Variants in UBE2G1 observed in about 807,000 individuals in gnomAD.
The protein encoded by UBE2G1 is ubiquitin conjugating enzyme E2 G1.
A neutral mutation model predicts 22.7 loss-of-function variants in UBE2G1; 5 were observed. The ratio of observed to expected loss-of-function variants is 0.22; its 90% CI spans 0.12 to 0.46. The LOEUF is 0.46. Ranked by LOEUF, UBE2G1 falls within the 20% of genes least tolerant of loss-of-function variation. The probability of loss-of-function intolerance (pLI) is 0.99; values close to 1 mark genes in which losing one functional copy is unlikely to be tolerated. For synonymous variants in UBE2G1, 74 were observed against 67.5 expected (o/e 1.10, Z -0.47); for missense variants, 88 against 203.9 (o/e 0.43, Z 3.46).
intron 3 of UBE2G1, among the ~76,000 whole-genome samples, chr17:4,294,441 G>A (rs3859211): frequency 0.025 from 1,558 of 62,486 alleles, 69 homozygotes; most frequent in African/African-American, 0.1. Context: ...AAAAAAAAAA[G>A]AAAGAAACGA....
intron 1 of UBE2G1, among the ~76,000 whole-genome samples, chr17:4,346,849 C>G (rs539968630): frequency 6.6e-6 from 1 of 152,026 alleles, no homozygotes; most frequent in East Asian, 1.9e-4. Context: ...GTGTTATGTG[C>G]TAGTGATATA....
intron 1 of UBE2G1, among the ~76,000 whole-genome samples, chr17:4,336,978 C>A (rs1433585575): frequency 6.6e-6 from 1 of 152,088 alleles, no homozygotes; most frequent in East Asian, 1.9e-4. Flanking sequence ...TAGAAATAGT[C>A]TATACAATCT....
At chr17:4,340,255 T>G (rs1458884162) in intron 1 of UBE2G1, among the ~76,000 whole-genome samples, 1 of 152,188 alleles carries the variant, frequency 6.6e-6, no homozygotes, top group African/African-American at 2.4e-5. Flanking sequence ...CTTTCATCCT[T>G]GCATCCTCCG....
chr17:4,332,270 C>T (rs1969587890), intron 1 of UBE2G1, among the ~76,000 whole-genome samples: 1 of 151,562 alleles, frequency 6.6e-6, no homozygotes, highest in African/African-American at 2.4e-5. Flanking sequence ...GTTTTTCAAC[C>T]GTAAGTCACA....
intron 5 of UBE2G1, among the ~76,000 whole-genome samples, chr17:4,276,244 G>A (rs1371447690): frequency 6.6e-6 from 1 of 152,128 alleles, no homozygotes; most frequent in Non-Finnish European, 1.5e-5. Flanking sequence ...AGGCTGGAGT[G>A]CAGTGGTGCA....
chr17:4,279,220 A>T (rs1968853993), intron 5 of UBE2G1, among the ~76,000 whole-genome samples: 1 of 151,466 alleles, frequency 6.6e-6, no homozygotes, highest in South Asian at 2.1e-4. Context: ...GGTTGCAGTG[A>T]GCTGAGATCA....
intron 2 of UBE2G1, chr17:4,301,477 C>T (rs2143720635): frequency 1.2e-6 from 1 of 808,394 alleles, no homozygotes; most frequent in Middle Eastern, 2.7e-4. Flanking sequence ...TATAATAATC[C>T]TGCTGCCCTT....
intron 1 of UBE2G1, among the ~76,000 whole-genome samples, chr17:4,325,532 A>G (rs193150320): frequency 2.3e-3 from 348 of 152,346 alleles, no homozygotes; most frequent in African/African-American, 8.0e-3. Flanking sequence ...CTTCTAAACA[A>G]CTGAATCTTT....
chr17:4,366,051 G>A (rs1193033941), intron 1 of UBE2G1, among the ~76,000 whole-genome samples: 3 of 152,078 alleles, frequency 2.0e-5, no homozygotes, highest in African/African-American at 7.2e-5. Context: ...GCCAGGCCCA[G>A]TCCCTGGGCC....
chr17:4,330,596 G>C (rs1236662230), intron 1 of UBE2G1, among the ~76,000 whole-genome samples: 1 of 150,088 alleles, frequency 6.7e-6, no homozygotes, highest in Non-Finnish European at 1.5e-5. Context: ...AATTAGCCAG[G>C]CATGGTGGCA....
intron 1 of UBE2G1, among the ~76,000 whole-genome samples, chr17:4,317,107 T>C (rs1274399059): frequency 6.6e-6 from 1 of 152,050 alleles, no homozygotes; most frequent in African/African-American, 2.4e-5. Context: ...CCCAGTACTT[T>C]GGAAGGCTGA....
At chr17:4,353,732 G>A (rs1428822199) in intron 1 of UBE2G1, among the ~76,000 whole-genome samples, 3 of 151,426 alleles carry the variant, frequency 2.0e-5, no homozygotes, top group South Asian at 2.1e-4. Context: ...GGATGGTCTC[G>A]ATCTCCTGAC....
intron 1 of UBE2G1, among the ~76,000 whole-genome samples, chr17:4,324,936 G>T (rs1357009427): frequency 6.6e-6 from 1 of 151,912 alleles, no homozygotes; most frequent in East Asian, 1.9e-4. Context: ...AATTAGCCGG[G>T]CGTGGTGGCA....
chr17:4,282,217 G>A (rs1403079232), intron 5 of UBE2G1, among the ~76,000 whole-genome samples: 1 of 152,108 alleles, frequency 6.6e-6, no homozygotes, highest in Non-Finnish European at 1.5e-5. Flanking sequence ...TGAGTAGCTG[G>A]GATTACAGGC....
At position 4,322,296 on chromosome 17, in the gene UBE2G1, TC is replaced by T. The variant is rs1969449305; in HGVS notation, c.47-15174del. Among the ~76,000 whole-genome samples, 4 of 152,194 alleles carry T rather than the reference TC, an allele frequency of 2.6e-5. No homozygotes were observed. The South Asian group carries it at 8.3e-4, about 32-fold the overall frequency. Reference sequence around the variant, plus strand: ...ATGCCAGGTCCAATCCAAGATTTCTTCCAAAGGGGAACAACAGGTGTGATTA... The same window carrying T: ...ATGCCAGGTCCAATCCAAGATTTCTTCAAAGGGGAACAACAGGTGTGATTA... On this transcript the variant is annotated intron_variant, in intron 1 of 5. Coordinates refer to ENST00000396981, the MANE Select transcript of UBE2G1 (RefSeq NM_003342.5).
chr17:4,288,717 A>T (rs1968999786), intron 4 of UBE2G1, among the ~76,000 whole-genome samples: 1 of 152,206 alleles, frequency 6.6e-6, no homozygotes, highest in South Asian at 2.1e-4. Context: ...CACAGTTTAC[A>T]TCCTAATAAC....
intron 5 of UBE2G1, among the ~76,000 whole-genome samples, chr17:4,280,529 G>A (rs1439213662): frequency 2.0e-5 from 3 of 151,048 alleles, no homozygotes; most frequent in Non-Finnish European, 4.4e-5. Flanking sequence ...ATATTTTTTG[G>A]TAGAGATGGG....
chr17:4,304,632 A>G (rs1969227591), intron 2 of UBE2G1, among the ~76,000 whole-genome samples: 1 of 152,144 alleles, frequency 6.6e-6, no homozygotes, highest in South Asian at 2.1e-4. Context: ...CATGAGGGCT[A>G]ATGATGGCAC....
At chr17:4,343,743 C>T (rs1969737646) in intron 1 of UBE2G1, among the ~76,000 whole-genome samples, 1 of 151,960 alleles carries the variant, frequency 6.6e-6, no homozygotes, top group South Asian at 2.1e-4. Context: ...CGCCCACCAC[C>T]ACGCCCGGCT....
Sources: allele counts gnomAD v4.1 joint callset (sites outside exome capture counted in the v4.1 genomes callset), GRCh38; gene constraint gnomAD v4.1.1; transcripts MANE v1.5; gene names NCBI Gene and HGNC (gene_info 2026-07-23, HGNC 2026-07-21).